RIMS2: variants seen among roughly 807,000 people sequenced by gnomAD.
RIMS2 encodes regulating synaptic membrane exocytosis protein 2.
Under a neutral mutation model 174.4 loss-of-function variants are expected in RIMS2, and 59 were observed. The observed-to-expected ratio is 0.34, with a 90% CI of 0.27 to 0.42. The LOEUF (loss-of-function observed/expected upper bound fraction) is 0.42, where lower values mean the gene tolerates loss of function less well. Among genes scored for constraint, RIMS2 ranks in the 10% least tolerant of loss-of-function variants. The probability of loss-of-function intolerance (pLI) is 1.00; values close to 1 mark genes in which losing one functional copy is unlikely to be tolerated. For missense variants in RIMS2, 1,620 were observed against 1,666.3 expected, an observed-to-expected ratio of 0.97 and a Z score of 0.48; for synonymous variants, 606 against 572.5, an observed-to-expected ratio of 1.06 and a Z score of -0.84.
rs1291162062 is a variant in RIMS2 at position 103,695,181 on chromosome 8, G to A, written c.177-1905G>A. ...CTGTCCTTTTTACCCTGTTCAGTGC[G>A]TCTTTTATTTTTTTGCTACACTTAG... On this transcript the variant is annotated intron_variant, in intron 1 of 23. Coordinates refer to ENST00000504942, the Ensembl canonical transcript of RIMS2. 7.2e-5 allele frequency among the ~76,000 whole-genome samples: 11 copies of A among 152,262 alleles called. No homozygotes were observed. The East Asian group carries it at 7.7e-4, about 11-fold the overall frequency.
At chr8:103,799,344 A>G (rs1005427832) in intron 3 of RIMS2, among the ~76,000 whole-genome samples, 4 of 152,194 alleles carry the variant, frequency 2.6e-5, no homozygotes, top group Admixed American at 1.3e-4. Flanking sequence ...TTGTGTGAAT[A>G]TACTATATTT....
intron 19 of RIMS2, among the ~76,000 whole-genome samples, chr8:104,097,618 A>G (rs541146491): frequency 4.6e-5 from 7 of 152,126 alleles, no homozygotes; most frequent in African/African-American, 1.4e-4. Flanking sequence ...TAGCAAAAAA[A>G]AAAAAAACAA....
At chr8:104,004,725 T>A (rs1217554645) in intron 17 of RIMS2, among the ~76,000 whole-genome samples, 1 of 151,856 alleles carries the variant, frequency 6.6e-6, no homozygotes, top group South Asian at 2.1e-4. Context: ...AAAGACAGAA[T>A]GATTGGAAGA....
intron 1 of RIMS2, among the ~76,000 whole-genome samples, chr8:103,531,164 G>C (rs1836891059): frequency 6.6e-6 from 1 of 151,938 alleles, no homozygotes; most frequent in Non-Finnish European, 1.5e-5. Context: ...TTTACCCAAT[G>C]ACTGCAGAAT....
intron 2 of RIMS2, among the ~76,000 whole-genome samples, chr8:103,763,282 C>G (rs1391431239): frequency 6.6e-6 from 1 of 151,982 alleles, no homozygotes; most frequent in Admixed American, 6.6e-5. Flanking sequence ...TACAAAAATA[C>G]AAAAATTAGC....
At chr8:104,215,608 G>C (rs886998127) in intron 19 of RIMS2, among the ~76,000 whole-genome samples, 7 of 152,152 alleles carry the variant, frequency 4.6e-5, no homozygotes, top group Admixed American at 3.9e-4. Flanking sequence ...ATAAGAAGTT[G>C]CTAGGTGATG....
chr8:104,171,623 G>A (rs2098832975), intron 19 of RIMS2, among the ~76,000 whole-genome samples: 1 of 151,824 alleles, frequency 6.6e-6, no homozygotes, highest in South Asian at 2.1e-4. Flanking sequence ...TCAACCTTCT[G>A]AATTTTTTAT....
chr8:103,666,881 A>G (rs999041961), intron 1 of RIMS2, among the ~76,000 whole-genome samples: 2 of 152,286 alleles, frequency 1.3e-5, no homozygotes, highest in Admixed American at 6.5e-5. Context: ...TGTGTCGTTC[A>G]TAGGTTATGG....
intron 1 of RIMS2, among the ~76,000 whole-genome samples, chr8:103,575,960 T>C (rs1421236136): frequency 1.3e-5 from 2 of 152,160 alleles, no homozygotes; most frequent in African/African-American, 4.8e-5. Context: ...CAGGAGACTG[T>C]CCCTGCCTCA....
At chr8:104,056,403 TA>T (rs34404639) in intron 19 of RIMS2, among the ~76,000 whole-genome samples, 2,559 of 144,556 alleles carry the variant, frequency 0.018, 30 homozygotes, top group Middle Eastern at 0.05. Flanking sequence ...GACTCCATCT[TA>T]AAAAAAAAAA....
chr8:103,569,509 G>A (rs2092647935), intron 1 of RIMS2, among the ~76,000 whole-genome samples: 1 of 152,060 alleles, frequency 6.6e-6, no homozygotes. Flanking sequence ...GTCTTTCCAT[G>A]TATTTAAATC....
chr8:103,991,259 C>T (rs1234251771), intron 17 of RIMS2, among the ~76,000 whole-genome samples: 1 of 151,644 alleles, frequency 6.6e-6, no homozygotes, highest in African/African-American at 2.4e-5. Context: ...AGAGCACTGT[C>T]AATGCCAGAT....
At chr8:104,132,215 T>C (rs2098479337) in intron 19 of RIMS2, among the ~76,000 whole-genome samples, 1 of 152,210 alleles carries the variant, frequency 6.6e-6, no homozygotes, top group African/African-American at 2.4e-5. Flanking sequence ...TGTTCTTTAT[T>C]ACTCTAAGCT....
At chr8:103,714,479 A>C (rs1431830643) in intron 2 of RIMS2, among the ~76,000 whole-genome samples, 2 of 152,132 alleles carry the variant, frequency 1.3e-5, no homozygotes, top group African/African-American at 4.8e-5. Context: ...AGTGAGAGGC[A>C]AGTGATGGTA....
At chr8:103,628,453 C>T (rs553908341) in intron 1 of RIMS2, among the ~76,000 whole-genome samples, 1 of 151,496 alleles carries the variant, frequency 6.6e-6, no homozygotes, top group African/African-American at 2.4e-5. Flanking sequence ...CTCCCGGTTT[C>T]AGGCAATTTT....
chr8:104,005,113 T>A (rs2095526267), intron 17 of RIMS2, among the ~76,000 whole-genome samples: 1 of 152,092 alleles, frequency 6.6e-6, no homozygotes, highest in South Asian at 2.1e-4. Flanking sequence ...GAGACTGGGG[T>A]TCATGATTGT....
At chr8:104,131,172 G>A (rs1373974048) in intron 19 of RIMS2, among the ~76,000 whole-genome samples, 3 of 152,210 alleles carry the variant, frequency 2.0e-5, no homozygotes, top group African/African-American at 7.2e-5. Context: ...GTAAGTTAAA[G>A]AGAAAATGTG....
intron 1 of RIMS2, among the ~76,000 whole-genome samples, chr8:103,589,731 A>G (rs1234289562): frequency 6.6e-6 from 1 of 151,600 alleles, no homozygotes; most frequent in East Asian, 1.9e-4. Context: ...TATATGCAAA[A>G]TGGAATACTA....
intron 19 of RIMS2, among the ~76,000 whole-genome samples, chr8:104,172,261 C>T (rs1002595599): frequency 6.6e-6 from 1 of 152,024 alleles, no homozygotes; most frequent in African/African-American, 2.4e-5. Context: ...AGGGCATCAT[C>T]TAATTTAATT....
Sources: allele counts gnomAD v4.1 joint callset (sites outside exome capture counted in the v4.1 genomes callset), GRCh38; gene constraint gnomAD v4.1.1; transcripts MANE v1.5; gene names NCBI Gene and HGNC (gene_info 2026-07-23, HGNC 2026-07-21).